PATJ: variants seen among roughly 807,000 people sequenced by gnomAD.
PATJ encodes inaD-like protein.
In PATJ, 190 loss-of-function variants were observed where a neutral mutation model predicts 224.9. The ratio of observed to expected loss-of-function variants is 0.84; its 90% CI spans 0.75 to 0.95. The LOEUF is 0.95. Ranked by LOEUF, PATJ falls within the 40% of genes least tolerant of loss-of-function variation. The pLI is 0.00. For synonymous variants in PATJ, 769 were observed against 820.3 expected (o/e 0.94, Z 1.07); for missense variants, 2,121 against 2,270.3 (o/e 0.93, Z 1.34).
At chr1:61,857,064 A>G (rs771464546) in intron 18 of PATJ, among the ~76,000 whole-genome samples, 5 of 152,044 alleles carry the variant, frequency 3.3e-5, no homozygotes, top group Non-Finnish European at 5.9e-5. Flanking sequence ...AGCATCAAGA[A>G]CCCCTATAAT....
chr1:61,856,111 T>C lies in PATJ; in HGVS notation c.2194T>C (p.Leu732=), dbSNP rs746922717. ...TGTAGCAGAAAGAAGTGGGGGACTA[T>C]TACCTGGAGACCGCCTGGTCTCAGT... is the stretch of plus-strand genomic sequence containing the variant. ...DGVAERSGGL[L]PGDRLVSVNE... The change falls in exon 18 of 44, where the codon TTA becomes CTA. Residue 732 remains leucine, a synonymous_variant. Transcript: ENST00000642238. 1 of 1,613,914 alleles carries C rather than the reference T, an allele frequency of 6.2e-7. No individual in the cohort carries two copies. The highest frequency in any genetic ancestry group is 8.5e-7 in the Non-Finnish European group (1 of 1,179,788).
intron 24 of PATJ, among the ~76,000 whole-genome samples, chr1:61,904,171 G>A (rs894380562): frequency 6.6e-6 from 1 of 151,738 alleles, no homozygotes; most frequent in Non-Finnish European, 1.5e-5. Flanking sequence ...TTTGTTTTTT[G>A]AATCTAATCA....
At chr1:61,879,619 T>A (rs1285806033) in intron 21 of PATJ, among the ~76,000 whole-genome samples, 1 of 152,040 alleles carries the variant, frequency 6.6e-6, no homozygotes, top group Non-Finnish European at 1.5e-5. Flanking sequence ...TCCTTTTTTT[T>A]TTTTCTGGAG....
In PATJ at chr1:61,765,545, C is replaced by T. The variant is rs115151775; in HGVS notation, c.190-734C>T. ...AATTACAAGTGTGTACCACCATGCCCGGCTAATTTTTGTATTTTTGATAGC... is the reference window on the plus strand; with the variant it reads ...AATTACAAGTGTGTACCACCATGCCTGGCTAATTTTTGTATTTTTGATAGC... On this transcript the variant is annotated intron_variant, in intron 3 of 43. Transcript: ENST00000642238. 3.7e-3 allele frequency among the ~76,000 whole-genome samples: 561 copies of T among 152,086 alleles called. 2 individuals are homozygous for T. Among genetic ancestry groups the T allele is most frequent in the African/African-American group, 0.013 (531 of 41,502 alleles).
intron 17 of PATJ, among the ~76,000 whole-genome samples, chr1:61,846,808 G>A (rs1169294056): frequency 1.3e-5 from 2 of 152,058 alleles, no homozygotes; most frequent in East Asian, 1.9e-4. Context: ...CATGTTGGCC[G>A]GGCTGGCCTC....
intron 30 of PATJ, among the ~76,000 whole-genome samples, chr1:62,040,685 A>G (rs1473605332): frequency 7.0e-6 from 1 of 143,294 alleles, no homozygotes; most frequent in Non-Finnish European, 1.6e-5. Context: ...GCAGTGAAAT[A>G]TGAGACAAGA....
intron 7 of PATJ, among the ~76,000 whole-genome samples, chr1:61,785,410 A>T (rs949428709): frequency 5.3e-5 from 8 of 152,220 alleles, no homozygotes; most frequent in Non-Finnish European, 7.3e-5. Context: ...AAGGCAAATA[A>T]CTGAAATGAG....
chr1:62,116,625 GA>G lies in PATJ; in HGVS notation c.4751del (p.Asn1584MetfsTer5). 6.2e-7 allele frequency: 1 copy of G among 1,614,028 alleles called. No individual in the cohort carries two copies. The highest frequency in any genetic ancestry group is 8.5e-7 in the Non-Finnish European group (1 of 1,179,970). The part of the protein sequence containing the change: ...LIQGDQILSV[N>X]GEDMRNASQE... ...TTCAGGGAGATCAGATCTTATCTGT[GA>G]ATGGGGAGGACATGAGAAATGCCTC... On this transcript the variant is annotated frameshift_variant, in exon 36 of 44. Coordinates refer to ENST00000642238, the MANE Select transcript of PATJ (RefSeq NM_001350145.3). LOFTEE classifies it high-confidence loss of function.
chr1:62,090,581 C>G (rs1660605344), intron 33 of PATJ, among the ~76,000 whole-genome samples: 1 of 152,086 alleles, frequency 6.6e-6, no homozygotes, highest in Non-Finnish European at 1.5e-5. Context: ...TTCTTATTAG[C>G]CGGGAAGCCA....
rs117214682 is a variant in PATJ at position 62,004,132 on chromosome 1, A to T, written c.3868-13724A>T. Among the ~76,000 whole-genome samples the T allele has an allele frequency of 9.2e-5, 14 of 152,320 alleles. No individual in the cohort carries two copies. The East Asian group carries it at 2.5e-3, about 27-fold the overall frequency. On this transcript the variant is annotated intron_variant, in intron 28 of 43. Coordinates refer to ENST00000642238, the MANE Select transcript of PATJ (RefSeq NM_001350145.3). ...TTCTTGTTTTATGCCTACACACATC[A>T]TATGGCAATGCAATTATTTGTTTCC...
At chr1:61,790,931 C>G (rs1027114524) in intron 8 of PATJ, among the ~76,000 whole-genome samples, 1 of 152,174 alleles carries the variant, frequency 6.6e-6, no homozygotes, top group African/African-American at 2.4e-5. Context: ...GATTCTTGTT[C>G]CTTGCAACTA....
At chr1:62,124,861 C>T (rs75111635) in intron 39 of PATJ, among the ~76,000 whole-genome samples, 1 of 152,156 alleles carries the variant, frequency 6.6e-6, no homozygotes, top group Non-Finnish European at 1.5e-5. Context: ...TCTCCAAATA[C>T]AGTCACATTC....
chr1:61,924,610 T>C (rs1006294812), intron 26 of PATJ, among the ~76,000 whole-genome samples: 1 of 152,210 alleles, frequency 6.6e-6, no homozygotes, highest in Non-Finnish European at 1.5e-5. Context: ...TAGTCAACTA[T>C]TTTCTGGAAA....
intron 18 of PATJ, among the ~76,000 whole-genome samples, chr1:61,860,508 A>G (rs1426832819): frequency 6.6e-6 from 1 of 152,164 alleles, no homozygotes; most frequent in Admixed American, 6.5e-5. Flanking sequence ...CAACCTCATC[A>G]GCTTCCACTT....
At chr1:62,113,307 G>T (rs146286530) in intron 34 of PATJ, among the ~76,000 whole-genome samples, 167 of 152,166 alleles carry the variant, frequency 1.1e-3, no homozygotes, top group Non-Finnish European at 2.0e-3. Flanking sequence ...CTCCTTCTGG[G>T]CCTGTTATGA....
At chr1:61,916,484 C>T (rs1422462496) in intron 26 of PATJ, among the ~76,000 whole-genome samples, 3 of 151,944 alleles carry the variant, frequency 2.0e-5, no homozygotes, top group African/African-American at 4.8e-5. Context: ...CTGCTAAGAC[C>T]TCCAGTACTG....
At chr1:61,929,301 C>A (rs1490250435) in intron 27 of PATJ, among the ~76,000 whole-genome samples, 1 of 152,156 alleles carries the variant, frequency 6.6e-6, no homozygotes, top group Non-Finnish European at 1.5e-5. Context: ...ATGTTCTAAT[C>A]CTAGTTCTAT....
chr1:61,747,588 AATT>A (rs1645088454), intron 1 of PATJ, among the ~76,000 whole-genome samples: 1 of 152,180 alleles, frequency 6.6e-6, no homozygotes, highest in Non-Finnish European at 1.5e-5. Flanking sequence ...ATTCCGGTAA[AATT>A]ATGGAGTTGT....
intron 9 of PATJ, among the ~76,000 whole-genome samples, chr1:61,793,408 A>G (rs183762061): frequency 3.1e-4 from 47 of 152,298 alleles, no homozygotes; most frequent in African/African-American, 1.0e-3. Flanking sequence ...GAGAAAAGGT[A>G]AAATCATGAA....
Sources: gnomAD v4.1 joint callset for allele counts (sites outside exome capture counted in the v4.1 genomes callset) on GRCh38, gnomAD v4.1.1 for gene constraint, MANE v1.5 for transcripts, NCBI Gene and HGNC (gene_info 2026-07-23, HGNC 2026-07-21) for gene names.